The following ITGAV variants were observed in gnomAD, a reference collection of about 807,000 sequenced individuals.
ITGAV encodes integrin alpha-V.
ITGAV carries 76 observed loss-of-function variants against 143.8 expected under a neutral mutation model. That is an observed-to-expected ratio of 0.53 (90% CI 0.44 to 0.64). The LOEUF is 0.64. Ranked by LOEUF, ITGAV falls within the 30% of genes least tolerant of loss-of-function variation. The pLI, the probability that ITGAV is intolerant of heterozygous loss-of-function variation, is 0.00. For synonymous variants in ITGAV, 453 were observed against 446.7 expected, an observed-to-expected ratio of 1.01 and a Z score of -0.18; for missense variants, 1,193 against 1,274.7, an observed-to-expected ratio of 0.94 and a Z score of 0.98.
At chr2:186,660,673 G>T (rs1030487122) in intron 18 of ITGAV, 1 of 152,070 alleles carries the variant, frequency 6.6e-6, no homozygotes, top group Non-Finnish European at 1.5e-5. Context: ...AGGTAGAAAA[G>T]GTATAGGTGA....
intron 2 of ITGAV, among the ~76,000 whole-genome samples, chr2:186,605,513 T>G (rs1687034243): frequency 6.6e-6 from 1 of 152,140 alleles, no homozygotes. Context: ...ATACTTACAT[T>G]GTTACATGTT....
chr2:186,670,423 C>T (rs1689033213), intron 26 of ITGAV, among the ~76,000 whole-genome samples: 1 of 152,050 alleles, frequency 6.6e-6, no homozygotes, highest in Non-Finnish European at 1.5e-5. Flanking sequence ...CTATCAGTCC[C>T]CCAAGTAGCT....
At chr2:186,620,665 A>G (rs1383235538) in intron 2 of ITGAV, among the ~76,000 whole-genome samples, 2 of 152,184 alleles carry the variant, frequency 1.3e-5, no homozygotes, top group East Asian at 1.9e-4. Flanking sequence ...GTGGCGGCTG[A>G]AGTGGGAGGA....
Position 186,679,256 on chromosome 2 carries a change from G to C in ITGAV, c.*1964G>C, listed in dbSNP as rs1689291698. The C allele has an allele frequency of 6.6e-6, 1 of 151,942 alleles. No homozygotes were observed. Among genetic ancestry groups the C allele is most frequent in the Non-Finnish European group, 1.5e-5 (1 of 67,868 alleles). The allele number at this position is 151,942 out of a possible 1,614,324, so 9.4% of individuals were successfully genotyped here. A position where few individuals can be genotyped will look rare whatever the true frequency, so the allele number is the denominator to read the frequency against. On this transcript the variant is annotated 3_prime_UTR_variant, in exon 30 of 30. Transcript: ENST00000261023. ...GATAGAAAGTCACTCTTTGGCAAAA[G>C]TGTTAGAATTTGCTTTTGTGCCATC...
chr2:186,594,685 ATGGATTAAGGTCACT>A (rs146990439), intron 1 of ITGAV, among the ~76,000 whole-genome samples: 47 of 152,334 alleles, frequency 3.1e-4, no homozygotes, highest in African/African-American at 1.1e-3. Context: ...ACCGCTTAAC[ATGGATTAAGGTCACT>A]TGCAATCTGT....
intron 26 of ITGAV, among the ~76,000 whole-genome samples, chr2:186,673,657 T>A (rs116412660): frequency 9.6e-4 from 146 of 152,136 alleles, no homozygotes; most frequent in Non-Finnish European, 1.8e-3. Flanking sequence ...TTTTTATTAT[T>A]ATTATTATTT....
chr2:186,614,151 A>T (rs1489420626), intron 2 of ITGAV, among the ~76,000 whole-genome samples: 1 of 152,118 alleles, frequency 6.6e-6, no homozygotes. Context: ...ACTACTTTTT[A>T]AAAAACCTTT....
At chr2:186,638,760 C>G (rs548484780) in intron 10 of ITGAV, among the ~76,000 whole-genome samples, 2 of 150,894 alleles carry the variant, frequency 1.3e-5, no homozygotes, top group African/African-American at 4.9e-5. Context: ...TTTCTAATTT[C>G]TTAAAACTTT....
At chr2:186,638,209 TC>T in intron 8 of ITGAV, 67 bp from the exon 9 acceptor site, 1 of 1,374,170 alleles carries the variant, frequency 7.3e-7, no homozygotes, top group Non-Finnish European at 1.0e-6. Flanking sequence ...GCTGACATAG[TC>T]ACTTCTGGTC....
rs1056681222 is a variant in ITGAV, at chr2:186,675,907, G to T, written c.2908G>T (p.Asp970Tyr). 4 of 1,587,612 alleles carry T rather than the reference G, an allele frequency of 2.5e-6. No individual in the cohort carries two copies. The highest frequency in any genetic ancestry group is 3.5e-6 in the Non-Finnish European group (4 of 1,156,534). The change falls in exon 28 of 30, where the codon GAT (aspartate) becomes TAT (tyrosine). Residue 970 changes from aspartate (D) to tyrosine (Y), a missense_variant. Asp to Tyr is a radical substitution (Grantham distance 160). Transcript: ENST00000261023. ...EFPYKNLPIE[D>Y]ITNSTLVTTN... ...TCCTTATAAGAATCTTCCAATTGAGGATATCACCAACTCCACATTGGTAAG... is the reference window on the plus strand; with the variant it reads ...TCCTTATAAGAATCTTCCAATTGAGTATATCACCAACTCCACATTGGTAAG...
At position 186,621,500 on chromosome 2, in the gene ITGAV, T is replaced by A. The variant is rs145208528; in HGVS notation, c.317-839T>A. 4.6e-3 allele frequency among the ~76,000 whole-genome samples: 706 copies of A among 152,314 alleles called. 1 individual carries two copies. The highest frequency in any genetic ancestry group is 0.016 in the African/African-American group (670 of 41,564). On this transcript the variant is annotated intron_variant, in intron 2 of 29. Transcript: ENST00000261023. ...CTAGTTCACAATTCAAATTTCCACA[T>A]TTATCCCAATAAAGTCCTTTGTAAC... is the stretch of plus-strand genomic sequence containing the variant.
intron 2 of ITGAV, among the ~76,000 whole-genome samples, chr2:186,612,369 A>ATTT (rs546219169): frequency 1.4e-5 from 2 of 146,436 alleles, no homozygotes; most frequent in Non-Finnish European, 1.5e-5. Context: ...TACCTGTTTA[A>ATTT]TTTTTTTTTT....
intron 1 of ITGAV, among the ~76,000 whole-genome samples, chr2:186,599,392 G>A (rs1686835071): frequency 6.6e-6 from 1 of 152,140 alleles, no homozygotes; most frequent in Admixed American, 6.5e-5. Context: ...ACAGCATACT[G>A]TCTCAGGCAG....
Position 186,656,368 on chromosome 2 carries a change from G to A in ITGAV, c.1686G>A (p.Leu562=). 1 of 1,540,510 alleles carries A rather than the reference G, an allele frequency of 6.5e-7. No homozygotes were observed. Among genetic ancestry groups the A allele is most frequent in the South Asian group, 1.3e-5 (1 of 77,760 alleles). Residue 562 remains leucine (L), a synonymous_variant, in exon 17 of 30, where the codon CTG becomes CTA. Transcript: ENST00000261023. ...SKNMTISRGG[L]MQCEELIAYL... ...ACATGACTATTTCAAGGGGGGGACT[G>A]ATGCAGTGTGAGGAATTGATAGCGT...
intron 16 of ITGAV, among the ~76,000 whole-genome samples, chr2:186,655,351 A>C (rs190422196): frequency 6.6e-6 from 1 of 152,192 alleles, no homozygotes; most frequent in Non-Finnish European, 1.5e-5. Flanking sequence ...AGGGCAGCCA[A>C]GTAAGGTCTC....
rs1311313993 is a variant in ITGAV at position 186,675,925 on chromosome 2, T to C, written c.2926T>C (p.Leu976=). 2.0e-6 allele frequency: 3 copies of C among 1,490,676 alleles called. No individual in the cohort carries two copies. Among genetic ancestry groups the C allele is most frequent in the South Asian group, 1.1e-5 (1 of 87,826 alleles). 92.3% of individuals were successfully genotyped at this position (1,490,676 alleles called of 1,614,324 possible). A position where few individuals can be genotyped will look rare whatever the true frequency, so the allele number is the denominator to read the frequency against. ...AATTGAGGATATCACCAACTCCACA[T>C]TGGTAAGTCATTGGTTTAGGCAAAT... ...LPIEDITNST[L]VTTNVTWGIQ... The change falls in exon 28 of 30, where the codon TTG becomes CTG. Residue 976 remains leucine, a splice_region_variant and synonymous_variant. Coordinates refer to ENST00000261023, the MANE Select transcript of ITGAV (RefSeq NM_002210.5).
chr2:186,668,267 C>T (rs375424006), intron 24 of ITGAV, among the ~76,000 whole-genome samples: 1 of 101,144 alleles, frequency 9.9e-6, no homozygotes, highest in Non-Finnish European at 1.9e-5. Flanking sequence ...GCTCTGTCGC[C>T]CAGGCTGGAG....
At chr2:186,663,906 C>G (rs1688816907) in intron 19 of ITGAV, 71 bp downstream of exon 19, 3 of 1,040,304 alleles carry the variant, frequency 2.9e-6, no homozygotes, top group Admixed American at 1.8e-5. Flanking sequence ...ATTCAAAGGA[C>G]TAACATATTT....
chr2:186,656,987 A>AAC (rs56249746), intron 17 of ITGAV, among the ~76,000 whole-genome samples: 3,973 of 139,390 alleles, frequency 0.029, 79 homozygotes, highest in Non-Finnish European at 0.03. Context: ...GAATTCATTA[A>AAC]ACACACACAC....
Sources: allele counts gnomAD v4.1 joint callset (sites outside exome capture counted in the v4.1 genomes callset), GRCh38; gene constraint gnomAD v4.1.1; transcripts MANE v1.5; gene names NCBI Gene and HGNC (gene_info 2026-07-23, HGNC 2026-07-21).